The following ADGRL2 variants were observed in gnomAD, a reference collection of about 807,000 sequenced individuals.
ADGRL2 encodes the protein calcium-independent alpha-latrotoxin receptor 2.
ADGRL2 carries 44 observed loss-of-function variants against 157.4 expected under a neutral mutation model. The observed-to-expected ratio is 0.28, with a 90% confidence interval of 0.22 to 0.36. The LOEUF (loss-of-function observed/expected upper bound fraction) is 0.36. Ranked by LOEUF, ADGRL2 falls within the 10% of genes least tolerant of loss-of-function variation. The probability of loss-of-function intolerance (pLI) is 1.00; values close to 1 mark genes in which losing one functional copy is unlikely to be tolerated. For missense variants in ADGRL2, 1,510 were observed against 1,768.9 expected (o/e 0.85, Z 2.63); for synonymous variants, 585 against 624.7 (o/e 0.94, Z 0.95).
rs558612683 is a variant in ADGRL2, at chr1:81,839,292, T to C, written c.73+2235T>C. ...GAGTGATTTCTTCCCTTTTTCCTCATTTATTGAGTGATTAAATTGAGCTGC... is the reference window on the plus strand; with the variant it reads ...GAGTGATTTCTTCCCTTTTTCCTCACTTATTGAGTGATTAAATTGAGCTGC... On this transcript the variant is annotated intron_variant, in intron 2 of 23. Coordinates refer to ENST00000686636, the MANE Select transcript of ADGRL2 (RefSeq NM_001366006.2). Among the ~76,000 whole-genome samples the C allele has an allele frequency of 3.3e-5, 5 of 152,206 alleles. No homozygotes were observed. The South Asian group carries it at 1.0e-3, about 32-fold the overall frequency.
chr1:81,908,071 A>G (rs2148333052), intron 3 of ADGRL2, among the ~76,000 whole-genome samples: 2 of 152,354 alleles, frequency 1.3e-5, no homozygotes, highest in Middle Eastern at 3.4e-3. Context: ...GACACTTAAC[A>G]TTGTATTATA....
At chr1:81,836,583 G>A (rs1007758847) in intron 1 of ADGRL2, among the ~76,000 whole-genome samples, 2 of 152,060 alleles carry the variant, frequency 1.3e-5, no homozygotes, top group Non-Finnish European at 2.9e-5. Flanking sequence ...AGCAGTCAGG[G>A]AAATAAGTTT....
chr1:81,529,558 GA>G (rs1326409064), intron 2 of ADGRL2, among the ~76,000 whole-genome samples: 2 of 152,182 alleles, frequency 1.3e-5, no homozygotes, highest in Non-Finnish European at 2.9e-5. Context: ...GGGAAATATA[GA>G]AAAAGTAAGT....
chr1:81,531,656 T>C (rs1262480632), intron 2 of ADGRL2, among the ~76,000 whole-genome samples: 1 of 152,088 alleles, frequency 6.6e-6, no homozygotes, highest in African/African-American at 2.4e-5. Flanking sequence ...TTTAATAAGT[T>C]AGATCGGGGG....
chr1:81,766,845 AG>A (rs2086145531), intron 2 of ADGRL2, among the ~76,000 whole-genome samples: 6 of 59,028 alleles, frequency 1.0e-4, no homozygotes, highest in African/African-American at 1.8e-4. Flanking sequence ...AAAAAAAAAA[AG>A]GAAAAAAAAA....
chr1:81,787,417 G>A (rs1430145492), intron 2 of ADGRL2, among the ~76,000 whole-genome samples: 3 of 152,178 alleles, frequency 2.0e-5, no homozygotes, highest in African/African-American at 7.2e-5. Context: ...CAGCACTTTA[G>A]GAGGAGGAGG....
rs570787481 is a variant in ADGRL2 at position 81,944,637 on chromosome 1, T to C, written c.1210+868T>C. 1.2e-4 allele frequency among the ~76,000 whole-genome samples: 19 copies of C among 152,152 alleles called. 1 individual carries two copies. The South Asian group carries it at 3.5e-3, about 28-fold the overall frequency. ...AGTCTTCTATTTGAACAGTGTTTGT[T>C]TAAGATCTGAATATCCTAATTTACT... On this transcript the variant is annotated intron_variant, in intron 6 of 23. Transcript: ENST00000686636.
At chr1:81,557,713 G>A (rs2080343639) in intron 2 of ADGRL2, 1 of 152,182 alleles carries the variant, frequency 6.6e-6, no homozygotes, top group Non-Finnish European at 1.5e-5. Flanking sequence ...CTCCGCCGAA[G>A]TACTGTTAGA....
intron 4 of ADGRL2, 34 bp from the exon 5 acceptor site, chr1:81,942,000 T>C (rs747977553): frequency 1.3e-6 from 1 of 767,002 alleles, no homozygotes; most frequent in Non-Finnish European, 2.4e-6. Context: ...CCTTGCACCT[T>C]TTTTATTTTT....
intron 1 of ADGRL2, chr1:81,722,058 C>T (rs1282936190): frequency 2.3e-5 from 9 of 393,084 alleles, no homozygotes; most frequent in Non-Finnish European, 3.4e-5. Context: ...TTTGGGAGGC[C>T]GAGGCGGGCG....
chr1:81,540,527 G>A (rs1337940542), intron 2 of ADGRL2, among the ~76,000 whole-genome samples: 1 of 152,194 alleles, frequency 6.6e-6, no homozygotes, highest in Non-Finnish European at 1.5e-5. Flanking sequence ...TAACAGAAGT[G>A]ACCAGCTTTA....
At chr1:81,872,261 C>T (rs952244839) in intron 2 of ADGRL2, among the ~76,000 whole-genome samples, 2 of 152,108 alleles carry the variant, frequency 1.3e-5, no homozygotes, top group Non-Finnish European at 2.9e-5. Context: ...GGTATTATTT[C>T]TGAGGGCTCT....
At chr1:81,630,300 C>T (rs186174877) in intron 3 of ADGRL2, among the ~76,000 whole-genome samples, 202 of 152,212 alleles carry the variant, frequency 1.3e-3, no homozygotes, top group African/African-American at 4.7e-3. Context: ...CAGCCAAGAG[C>T]AATCCCCATC....
At chr1:81,905,720 T>G (rs2094570931) in intron 2 of ADGRL2, among the ~76,000 whole-genome samples, 1 of 152,098 alleles carries the variant, frequency 6.6e-6, no homozygotes, top group African/African-American at 2.4e-5. Flanking sequence ...TCTGTTTTAT[T>G]ATAGAATTGT....
intron 2 of ADGRL2, among the ~76,000 whole-genome samples, chr1:81,471,243 C>T (rs985072658): frequency 2.0e-5 from 3 of 152,164 alleles, no homozygotes; most frequent in Non-Finnish European, 4.4e-5. Context: ...ATTCTTTCTT[C>T]AGACCACCAC....
At chr1:81,382,481 A>G (rs986994113) in intron 1 of ADGRL2, among the ~76,000 whole-genome samples, 4 of 152,208 alleles carry the variant, frequency 2.6e-5, no homozygotes, top group African/African-American at 9.7e-5. Context: ...CATGCCAGAG[A>G]TAAAAATGAA....
chr1:81,931,168 TAAAC>T (rs1179253774), intron 3 of ADGRL2, among the ~76,000 whole-genome samples: 3 of 151,920 alleles, frequency 2.0e-5, no homozygotes, highest in African/African-American at 7.3e-5. Flanking sequence ...AAAAAACAAA[TAAAC>T]AAAATTCAGT....
At chr1:81,592,475 T>C (rs2148593679) in intron 3 of ADGRL2, among the ~76,000 whole-genome samples, 1 of 152,318 alleles carries the variant, frequency 6.6e-6, no homozygotes, top group South Asian at 2.1e-4. Context: ...ATAATGCATC[T>C]GCCACCAGTG....
At chr1:81,517,173 T>A (rs2148132403) in intron 2 of ADGRL2, among the ~76,000 whole-genome samples, 1 of 152,146 alleles carries the variant, frequency 6.6e-6, no homozygotes, top group Non-Finnish European at 1.5e-5. Context: ...TGGTTATTGG[T>A]TGAAGAATGT....
Sources: gnomAD v4.1 joint callset for allele counts (sites outside exome capture counted in the v4.1 genomes callset) on GRCh38, gnomAD v4.1.1 for gene constraint, MANE v1.5 for transcripts, NCBI Gene and HGNC (gene_info 2026-07-23, HGNC 2026-07-21) for gene names.